PARVB: variants seen among roughly 807,000 people sequenced by gnomAD.
The protein encoded by PARVB is parvin beta.
A neutral mutation model predicts 47.0 loss-of-function variants in PARVB; 46 were observed. The ratio of observed to expected loss-of-function variants is 0.98; its 90% CI spans 0.77 to 1.25. PARVB has a LOEUF of 1.25. Ranked by LOEUF, PARVB falls within the 50% of genes most tolerant of loss-of-function variation. PARVB has a pLI of 0.00. For synonymous variants in PARVB, 196 were observed against 196.3 expected, an observed-to-expected ratio of 1.00 and a Z score of 0.01; for missense variants, 473 against 471.6, an observed-to-expected ratio of 1.00 and a Z score of -0.03.
chr22:44,136,808 G>C (rs2053451233), intron 7 of PARVB, among the ~76,000 whole-genome samples: 1 of 152,250 alleles, frequency 6.6e-6, no homozygotes, highest in East Asian at 1.9e-4. Flanking sequence ...GGCAGGCAGA[G>C]AGAGTTCAGG....
chr22:44,102,320 C>T (rs185441306), intron 3 of PARVB, among the ~76,000 whole-genome samples: 28 of 152,324 alleles, frequency 1.8e-4, no homozygotes, highest in African/African-American at 5.8e-4. Flanking sequence ...CTCTGAACAC[C>T]ATTCCAGACA....
chr22:44,030,886 T>A (rs943042156), intron 1 of PARVB, among the ~76,000 whole-genome samples: 3 of 152,066 alleles, frequency 2.0e-5, no homozygotes, highest in Non-Finnish European at 2.9e-5. Flanking sequence ...GGCTGTGGCA[T>A]GTTGGGAAGG....
chr22:44,053,222 T>C (rs2051244159), intron 1 of PARVB, among the ~76,000 whole-genome samples: 1 of 151,974 alleles, frequency 6.6e-6, no homozygotes. Flanking sequence ...TAGCTGGGAT[T>C]AGAGGCATAC....
intron 3 of PARVB, chr22:44,105,905 T>G (rs1412854805): frequency 6.6e-6 from 1 of 152,372 alleles, no homozygotes; most frequent in African/African-American, 2.4e-5. Flanking sequence ...CTCAGCTTAC[T>G]GCAACCTCTG....
At chr22:44,012,486 C>T (rs2050533359) in intron 2 of PARVB, among the ~76,000 whole-genome samples, 3 of 152,236 alleles carry the variant, frequency 2.0e-5, no homozygotes, top group South Asian at 4.1e-4. Context: ...GCAGGTTACT[C>T]TCTTGCCAGA....
chr22:44,038,113 T>C (rs2050952663), intron 1 of PARVB, among the ~76,000 whole-genome samples: 1 of 152,258 alleles, frequency 6.6e-6, no homozygotes, highest in African/African-American at 2.4e-5. Flanking sequence ...ATGTTGCACC[T>C]CCAGCAGGGT....
chr22:44,055,931 G>A (rs1358513588), intron 1 of PARVB, among the ~76,000 whole-genome samples: 5 of 152,084 alleles, frequency 3.3e-5, no homozygotes, highest in South Asian at 2.1e-4. Context: ...CTACCGATTC[G>A]AATGCTAACC....
intron 1 of PARVB, among the ~76,000 whole-genome samples, chr22:44,038,308 G>T (rs984605687): frequency 1.3e-5 from 2 of 152,184 alleles, no homozygotes; most frequent in African/African-American, 4.8e-5. Flanking sequence ...AGTGGTTAGG[G>T]TGACTGCTCT....
intron 1 of PARVB, among the ~76,000 whole-genome samples, chr22:44,044,631 A>G (rs1027172158): frequency 2.0e-5 from 3 of 152,100 alleles, no homozygotes; most frequent in Non-Finnish European, 4.4e-5. Flanking sequence ...GACTACAGGC[A>G]TGCACCACCA....
intron 1 of PARVB, among the ~76,000 whole-genome samples, chr22:44,053,856 G>T (rs1201212229): frequency 6.6e-6 from 1 of 152,226 alleles, no homozygotes; most frequent in Non-Finnish European, 1.5e-5. Context: ...ATAGGGTGAG[G>T]TGTAGGGAAA....
chr22:44,101,370 A>G (rs552528397), intron 3 of PARVB, among the ~76,000 whole-genome samples: 3 of 151,880 alleles, frequency 2.0e-5, no homozygotes, highest in Non-Finnish European at 4.4e-5. Context: ...AGATCGCGCC[A>G]CTGCACTCCA....
chr22:44,095,037 G>A (rs1035972949), intron 2 of PARVB, among the ~76,000 whole-genome samples: 6 of 151,632 alleles, frequency 4.0e-5, no homozygotes, highest in African/African-American at 1.5e-4. Context: ...TAGGAGCCCC[G>A]TGAGAGCCCA....
rs374320717 is a variant in PARVB, at chr22:44,072,590, G to C, written c.113-21338G>C. On this transcript the variant is annotated intron_variant, in intron 1 of 12. Coordinates refer to ENST00000338758, the MANE Select transcript of PARVB (RefSeq NM_013327.5). ...CGAGTAGCTGGGATTACAAGTGCAT[G>C]CCATCATGCCTAGCTAATTTTTGTA... Among the ~76,000 whole-genome samples the C allele has an allele frequency of 1.4e-4, 21 of 152,234 alleles. No individual in the cohort carries two copies. In the East Asian group the frequency reaches 2.1e-3, roughly 15 times the overall value.
intron 3 of PARVB, chr22:44,106,429 G>A (rs1324893459): frequency 6.6e-6 from 1 of 152,200 alleles, no homozygotes; most frequent in East Asian, 1.9e-4. Context: ...CTTAGTAGAA[G>A]CCACCTCCCA....
chr22:44,065,391 A>G (rs999328756), intron 1 of PARVB, among the ~76,000 whole-genome samples: 2 of 152,044 alleles, frequency 1.3e-5, no homozygotes, highest in Non-Finnish European at 2.9e-5. Context: ...TCCTGGGCTC[A>G]AGCGATCCTC....
chr22:44,063,885 C>T (rs1269065066), intron 1 of PARVB, among the ~76,000 whole-genome samples: 1 of 152,168 alleles, frequency 6.6e-6, no homozygotes, highest in East Asian at 1.9e-4. Flanking sequence ...GATGTGCTCT[C>T]TGTTGCCACA....
intron 11 of PARVB, among the ~76,000 whole-genome samples, chr22:44,161,606 C>G (rs1196109756): frequency 3.3e-5 from 5 of 152,226 alleles, no homozygotes; most frequent in Non-Finnish European, 7.3e-5. Flanking sequence ...GCCACTACAT[C>G]CAGCTGCCCC....
chr22:44,049,315 A>C lies in PARVB; in HGVS notation c.112+24864A>C, dbSNP rs1008742778. On this transcript the variant is annotated intron_variant, in intron 1 of 12. Transcript: ENST00000338758. This position sits in a 1 kb window ranked among gnomAD's most constrained non-coding sequence, Gnocchi z 4.0. ...AGTGCTTGGCGTAGACAATCAGCAA[A>C]GCTAGGGACCCGTTTTCTCCTCCCA... Among the ~76,000 whole-genome samples, 3 of 152,126 alleles carry C rather than the reference A, an allele frequency of 2.0e-5. No homozygotes were observed. The highest frequency in any genetic ancestry group is 4.4e-5 in the Non-Finnish European group (3 of 68,006).
At chr22:44,095,743 C>T (rs748912803) in intron 2 of PARVB, among the ~76,000 whole-genome samples, 3 of 152,184 alleles carry the variant, frequency 2.0e-5, no homozygotes, top group African/African-American at 7.2e-5. Context: ...TATTTCCAAA[C>T]CCTGGTTCGA....
Sources: allele counts gnomAD v4.1 joint callset (sites outside exome capture counted in the v4.1 genomes callset), GRCh38; gene constraint gnomAD v4.1.1; non-coding constraint Gnocchi (gnomAD v3.1); transcripts MANE v1.5; gene names NCBI Gene and HGNC (gene_info 2026-07-23, HGNC 2026-07-21).